Variants in TRAPPC9 observed in about 807,000 individuals in gnomAD.
TRAPPC9 encodes trafficking protein particle complex subunit 9.
A neutral mutation model predicts 124.0 loss-of-function variants in TRAPPC9; 83 were observed. The ratio of observed to expected loss-of-function variants is 0.67; its 90% CI spans 0.56 to 0.80. The LOEUF (loss-of-function observed/expected upper bound fraction) is 0.80. TRAPPC9 is among the 30% of genes least tolerant of loss of function. TRAPPC9 has a pLI of 0.00. For missense variants in TRAPPC9, 1,302 were observed against 1,508.3 expected (o/e 0.86, Z 2.27); for synonymous variants, 638 against 617.5 (o/e 1.03, Z -0.49).
At chr8:139,761,457 T>C (rs1217938110) in intron 21 of TRAPPC9, among the ~76,000 whole-genome samples, 3 of 152,184 alleles carry the variant, frequency 2.0e-5, no homozygotes, top group African/African-American at 7.2e-5. Flanking sequence ...CTTAGAGTTC[T>C]GGGCGGGAAA....
chr8:139,733,315 C>G (rs562516283), intron 21 of TRAPPC9, among the ~76,000 whole-genome samples: 1 of 152,146 alleles, frequency 6.6e-6, no homozygotes, highest in South Asian at 2.1e-4. Flanking sequence ...AAGAATAAGC[C>G]CCCAGAACCT....
At chr8:140,435,742 G>A (rs1391675388) in intron 3 of TRAPPC9, among the ~76,000 whole-genome samples, 2 of 152,332 alleles carry the variant, frequency 1.3e-5, no homozygotes, top group African/African-American at 2.4e-5. Flanking sequence ...TTTTGAGGTT[G>A]TAGTCCTCCC....
chr8:140,457,625 C>A lies in TRAPPC9; in HGVS notation c.-11+14G>T. On this transcript the variant is annotated intron_variant, in intron 1 of 22. Coordinates refer to ENST00000438773, the MANE Select transcript of TRAPPC9 (RefSeq NM_001160372.4). The stretch of plus-strand genomic sequence containing the variant: ...CGAATTGCCTGACCGGGAGCCCCCC[C>A]GCTTTGCACTTACACAGCCGGTGGC... The A allele has an allele frequency of 2.0e-6, 2 of 985,790 alleles. No homozygotes were observed. The highest frequency in any genetic ancestry group is 5.2e-4 in the Middle Eastern group (1 of 1,918). The allele number at this position is 985,790 out of a possible 1,614,324, so 61.1% of individuals were successfully genotyped here. A position where few individuals can be genotyped will look rare whatever the true frequency, so the allele number is the denominator to read the frequency against.
intron 16 of TRAPPC9, among the ~76,000 whole-genome samples, chr8:140,237,054 G>A (rs184116320): frequency 2.0e-3 from 299 of 152,170 alleles, no homozygotes; most frequent in African/African-American, 6.8e-3. Context: ...GGTGACACAC[G>A]CATGTAGTCC....
chr8:140,274,899 C>T (rs2065064987), intron 15 of TRAPPC9, among the ~76,000 whole-genome samples: 1 of 152,182 alleles, frequency 6.6e-6, no homozygotes, highest in Non-Finnish European at 1.5e-5. Flanking sequence ...GCACATAAAA[C>T]ACCCCAAAGT....
At chr8:140,006,301 C>T (rs986429448) in intron 18 of TRAPPC9, among the ~76,000 whole-genome samples, 2 of 152,034 alleles carry the variant, frequency 1.3e-5, no homozygotes, top group African/African-American at 4.8e-5. Context: ...TTTAAATGTT[C>T]CCTTAAGAGA....
intron 21 of TRAPPC9, among the ~76,000 whole-genome samples, chr8:139,814,776 T>C (rs1302270645): frequency 1.3e-5 from 2 of 151,900 alleles, no homozygotes; most frequent in Non-Finnish European, 2.9e-5. Flanking sequence ...GCTCCAAGGG[T>C]TGCTATCCTA....
chr8:139,836,357 G>A (rs1826347728), intron 21 of TRAPPC9, among the ~76,000 whole-genome samples: 1 of 152,224 alleles, frequency 6.6e-6, no homozygotes, highest in Non-Finnish European at 1.5e-5. Flanking sequence ...TCAGACCCCG[G>A]AGCGGGACCG....
intron 20 of TRAPPC9, among the ~76,000 whole-genome samples, chr8:139,895,173 C>CCCGT (rs1830586825): frequency 6.6e-6 from 1 of 152,184 alleles, no homozygotes; most frequent in South Asian, 2.1e-4. Context: ...TGCTCAAGAG[C>CCCGT]CCGTCTGCCA....
chr8:140,157,650 C>T (rs2061677674), intron 17 of TRAPPC9, among the ~76,000 whole-genome samples: 2 of 151,628 alleles, frequency 1.3e-5, no homozygotes, highest in Admixed American at 6.6e-5. Flanking sequence ...ATTCTGTGTT[C>T]GATCATACAT....
At chr8:139,960,502 G>A (rs1835307503) in intron 19 of TRAPPC9, among the ~76,000 whole-genome samples, 1 of 152,168 alleles carries the variant, frequency 6.6e-6, no homozygotes, top group South Asian at 2.1e-4. Flanking sequence ...CATCCTTTTT[G>A]TCAGCCTGAC....
At chr8:139,937,215 T>C (rs1833587506) in intron 19 of TRAPPC9, among the ~76,000 whole-genome samples, 1 of 152,136 alleles carries the variant, frequency 6.6e-6, no homozygotes, top group Non-Finnish European at 1.5e-5. Flanking sequence ...CAGTAAAAGC[T>C]CTTTTTATAT....
At chr8:139,878,106 A>C (rs1285913160) in intron 21 of TRAPPC9, among the ~76,000 whole-genome samples, 1 of 152,268 alleles carries the variant, frequency 6.6e-6, no homozygotes, top group East Asian at 1.9e-4. Context: ...TTATAATAGC[A>C]AACATTCTGA....
At chr8:140,338,062 A>T (rs2067092301) in intron 9 of TRAPPC9, among the ~76,000 whole-genome samples, 2 of 152,180 alleles carry the variant, frequency 1.3e-5, no homozygotes, top group South Asian at 4.1e-4. Context: ...TTCCCCTAAA[A>T]CAGATCCCTG....
chr8:139,789,839 A>G (rs993478698), intron 21 of TRAPPC9, among the ~76,000 whole-genome samples: 1 of 152,110 alleles, frequency 6.6e-6, no homozygotes, highest in African/African-American at 2.4e-5. Flanking sequence ...CAGAGACCTC[A>G]ACTCCAGGAC....
intron 17 of TRAPPC9, among the ~76,000 whole-genome samples, chr8:140,045,962 C>G (rs1468141808): frequency 6.6e-6 from 1 of 152,066 alleles, no homozygotes; most frequent in Admixed American, 6.5e-5. Flanking sequence ...ATCAGCTGTC[C>G]TCTCAAAAGA....
chr8:140,456,109 T>C (rs1044836635), intron 1 of TRAPPC9, among the ~76,000 whole-genome samples: 2 of 152,094 alleles, frequency 1.3e-5, no homozygotes, highest in African/African-American at 2.4e-5. Flanking sequence ...AGTGTGAATA[T>C]ACTAAAAATT....
chr8:139,769,260 G>GT (rs1284691373), intron 21 of TRAPPC9, among the ~76,000 whole-genome samples: 1 of 152,208 alleles, frequency 6.6e-6, no homozygotes, highest in African/African-American at 2.4e-5. Context: ...TTTAACTTAT[G>GT]TATTAGGCAT....
rs200297778 is a variant in TRAPPC9, at chr8:140,272,289, CAGT to C, written c.2278+3366_2278+3368del. Among the ~76,000 whole-genome samples the C allele has an allele frequency of 3.2e-3, 402 of 124,048 alleles. 6 individuals carry two copies. In the East Asian group the frequency reaches 0.043, roughly 13 times the overall value. The allele number at this position is 124,048 out of a possible 152,430, so 81.4% of individuals were successfully genotyped here. On this transcript the variant is annotated intron_variant, in intron 15 of 22. Coordinates refer to ENST00000438773, the MANE Select transcript of TRAPPC9 (RefSeq NM_001160372.4). Reference sequence around the variant, plus strand: ...TTTGTGGTGGTGACGATGGTGGTGGCAGTTGTGACAGTGGTGGTTGTGGTGGTT... The same window carrying C: ...TTTGTGGTGGTGACGATGGTGGTGGCTGTGACAGTGGTGGTTGTGGTGGTT...
Sources: allele counts gnomAD v4.1 joint callset (sites outside exome capture counted in the v4.1 genomes callset), GRCh38; gene constraint gnomAD v4.1.1; transcripts MANE v1.5; gene names NCBI Gene and HGNC (gene_info 2026-07-23, HGNC 2026-07-21).